The following WWOX variants were observed in gnomAD, a reference collection of about 807,000 sequenced individuals.
WWOX encodes the protein WW domain-containing oxidoreductase.
A neutral mutation model predicts 46.2 loss-of-function variants in WWOX; 69 were observed. The observed-to-expected ratio is 1.49, with a 90% confidence interval of 1.23 to 1.82. The LOEUF (loss-of-function observed/expected upper bound fraction) is 1.82, where lower values mean the gene tolerates loss of function less well. WWOX is among the 40% of genes most tolerant of loss of function. The pLI is 0.00. For missense variants in WWOX, 919 were observed against 542.6 expected (o/e 1.69, Z -6.89); for synonymous variants, 359 against 202.6 (o/e 1.77, Z -6.56).
chr16:78,183,544 A>G (rs748196201), intron 5 of WWOX, among the ~76,000 whole-genome samples: 24 of 152,160 alleles, frequency 1.6e-4, no homozygotes, highest in Non-Finnish European at 2.9e-4. Context: ...ATGCCTCTCT[A>G]TCTTCCTACA....
intron 8 of WWOX, among the ~76,000 whole-genome samples, chr16:78,662,560 C>T (rs1009743201): frequency 3.9e-5 from 6 of 152,054 alleles, no homozygotes; most frequent in Admixed American, 1.3e-4. Flanking sequence ...ATGAGGAAGG[C>T]AATGTGAGAA....
chr16:79,013,748 G>T (rs961714510), intron 8 of WWOX, among the ~76,000 whole-genome samples: 1 of 152,198 alleles, frequency 6.6e-6, no homozygotes, highest in Admixed American at 6.5e-5. Flanking sequence ...GCAATTGCAG[G>T]TTCATTTGTT....
rs551594510 is a variant in WWOX at position 78,244,655 on chromosome 16, C to T, written c.516+80366C>T. Among the ~76,000 whole-genome samples the T allele has an allele frequency of 1.1e-4, 17 of 152,292 alleles. No homozygotes were observed. In the South Asian group the frequency reaches 3.1e-3, roughly 28 times the overall value. On this transcript the variant is annotated intron_variant, in intron 5 of 8. Transcript: ENST00000566780. The stretch of plus-strand genomic sequence containing the variant: ...CAGCAGCAAAGTCCTGGAAGAAACC[C>T]ATTTGTTAGTCTCTGGGCCTCCCCA...
chr16:79,054,480 G>C (rs1412699138), intron 8 of WWOX, among the ~76,000 whole-genome samples: 2 of 152,146 alleles, frequency 1.3e-5, no homozygotes, highest in South Asian at 2.1e-4. Context: ...TGCAATTTCA[G>C]ATTTAATCAG....
intron 4 of WWOX, chr16:78,129,952 C>G (rs546491818): frequency 3.3e-5 from 5 of 151,940 alleles, no homozygotes; most frequent in Non-Finnish European, 7.4e-5. Context: ...TGGGAGGGAC[C>G]CGGTGGGAGA....
At chr16:78,821,922 C>A (rs1027490638) in intron 8 of WWOX, among the ~76,000 whole-genome samples, 1 of 152,158 alleles carries the variant, frequency 6.6e-6, no homozygotes, top group African/African-American at 2.4e-5. Flanking sequence ...CTGTGTTGCT[C>A]AGGCTAGAGT....
chr16:78,859,831 A>T (rs2052674769), intron 8 of WWOX, among the ~76,000 whole-genome samples: 1 of 77,860 alleles, frequency 1.3e-5, no homozygotes, highest in Non-Finnish European at 3.2e-5. Context: ...AATGTGATTT[A>T]ACAGTGATTT....
intron 8 of WWOX, among the ~76,000 whole-genome samples, chr16:78,580,508 T>C (rs568633333): frequency 9.8e-5 from 15 of 152,304 alleles, no homozygotes; most frequent in African/African-American, 3.4e-4. Context: ...CCAGAGGCAT[T>C]TATAAGCAGT....
intron 8 of WWOX, among the ~76,000 whole-genome samples, chr16:78,956,433 G>T (rs940105553): frequency 6.6e-6 from 1 of 152,066 alleles, no homozygotes; most frequent in African/African-American, 2.4e-5. Context: ...GGGATTACAG[G>T]CATGAGCCAC....
At chr16:78,738,604 T>A (rs973314571) in intron 8 of WWOX, among the ~76,000 whole-genome samples, 1 of 152,242 alleles carries the variant, frequency 6.6e-6, no homozygotes, top group African/African-American at 2.4e-5. Context: ...ATCTAGTCCC[T>A]GAACAGCCAT....
chr16:78,633,203 A>G (rs2046481177), intron 8 of WWOX, among the ~76,000 whole-genome samples: 1 of 152,140 alleles, frequency 6.6e-6, no homozygotes. Flanking sequence ...CAGAGGTTGC[A>G]GTGAGCTGAG....
At chr16:79,193,652 C>T (rs1232662766) in intron 8 of WWOX, among the ~76,000 whole-genome samples, 4 of 152,214 alleles carry the variant, frequency 2.6e-5, no homozygotes, top group Non-Finnish European at 5.9e-5. Context: ...CACATCTTTT[C>T]TTACTGCCGG....
At chr16:78,366,006 C>T (rs902906273) in intron 5 of WWOX, among the ~76,000 whole-genome samples, 6 of 152,168 alleles carry the variant, frequency 3.9e-5, no homozygotes, top group Admixed American at 1.3e-4. Flanking sequence ...GCTTCTTTTC[C>T]TAGATTCAGG....
At chr16:79,031,448 G>C (rs866871799) in intron 8 of WWOX, among the ~76,000 whole-genome samples, 1 of 151,960 alleles carries the variant, frequency 6.6e-6, no homozygotes, top group Non-Finnish European at 1.5e-5. Context: ...GCTGAAGAAA[G>C]GGACTCAATT....
chr16:79,207,287 C>A (rs1330644511), intron 8 of WWOX, among the ~76,000 whole-genome samples: 1 of 152,226 alleles, frequency 6.6e-6, no homozygotes, highest in Non-Finnish European at 1.5e-5. Context: ...CCAACAGACA[C>A]CAGATGAGTA....
chr16:79,122,496 C>G (rs151237109), intron 8 of WWOX, among the ~76,000 whole-genome samples: 51 of 151,786 alleles, frequency 3.4e-4, no homozygotes, highest in African/African-American at 1.2e-3. Flanking sequence ...TATTTCCTTT[C>G]TTTCTTTTTC....
intron 8 of WWOX, among the ~76,000 whole-genome samples, chr16:78,788,569 T>C (rs1214138045): frequency 6.6e-6 from 1 of 152,212 alleles, no homozygotes; most frequent in Non-Finnish European, 1.5e-5. Context: ...GGAGCGTGGC[T>C]GCCTAGGAAG....
chr16:78,946,557 C>A (rs1248103529), intron 8 of WWOX, among the ~76,000 whole-genome samples: 1 of 152,132 alleles, frequency 6.6e-6, no homozygotes, highest in Non-Finnish European at 1.5e-5. Context: ...ACCAGTCTTT[C>A]CGCTTATTTA....
chr16:78,759,039 C>G (rs531445849), intron 8 of WWOX, among the ~76,000 whole-genome samples: 103 of 151,870 alleles, frequency 6.8e-4, no homozygotes, highest in Non-Finnish European at 1.3e-3. Context: ...CTGGAACTTC[C>G]CTTTCTATTT....
Sources: gnomAD v4.1 joint callset for allele counts (sites outside exome capture counted in the v4.1 genomes callset) on GRCh38, gnomAD v4.1.1 for gene constraint, MANE v1.5 for transcripts, NCBI Gene and HGNC (gene_info 2026-07-23, HGNC 2026-07-21) for gene names.